Variants in CPLANE1 observed in about 807,000 individuals in gnomAD.
CPLANE1 encodes the protein ciliogenesis and planar polarity effector 1.
Under a neutral mutation model 362.5 loss-of-function variants are expected in CPLANE1, and 263 were observed. The observed-to-expected ratio is 0.73, with a 90% confidence interval of 0.66 to 0.80. CPLANE1 has a LOEUF of 0.80. Among genes scored for constraint, CPLANE1 ranks in the 30% least tolerant of loss-of-function variants. The pLI is 0.00. For missense variants in CPLANE1, 3,461 were observed against 3,793.4 expected (o/e 0.91, Z 2.30); for synonymous variants, 1,212 against 1,302.6 (o/e 0.93, Z 1.50).
chr5:37,187,013 ATCGCGCCACTGCACTC>A (rs1367358761), intron 23 of CPLANE1, among the ~76,000 whole-genome samples: 3 of 142,256 alleles, frequency 2.1e-5, no homozygotes, highest in Non-Finnish European at 4.5e-5. Context: ...GTGAGCCGAG[ATCGCGCCACTGCACTC>A]TAGCCTGGGT....
intron 46 of CPLANE1, among the ~76,000 whole-genome samples, chr5:37,129,649 T>A (rs1462266747): frequency 6.6e-6 from 1 of 152,074 alleles, no homozygotes; most frequent in Non-Finnish European, 1.5e-5. Flanking sequence ...GAAAAAATGC[T>A]CAACATCGCT....
chr5:37,123,606 T>C (rs1210217891), intron 47 of CPLANE1, among the ~76,000 whole-genome samples: 1 of 152,184 alleles, frequency 6.6e-6, no homozygotes, highest in African/African-American at 2.4e-5. Flanking sequence ...AGGGGCATGA[T>C]CTTCTCAACT....
At chr5:37,124,966 A>G in intron 47 of CPLANE1, 1 of 1,165,298 alleles carries the variant, frequency 8.6e-7, no homozygotes, top group Non-Finnish European at 1.1e-6. Context: ...TTGGTCACCC[A>G]ATCACTCAAC....
chr5:37,139,921 T>C (rs1232624874), intron 44 of CPLANE1: 1 of 985,418 alleles, frequency 1.0e-6, no homozygotes, highest in Non-Finnish European at 1.2e-6. Context: ...CCTTCTTTGC[T>C]TAGTACACAG....
intron 26 of CPLANE1, among the ~76,000 whole-genome samples, chr5:37,182,320 C>T (rs1782877672): frequency 6.6e-6 from 1 of 152,112 alleles, no homozygotes; most frequent in Admixed American, 6.5e-5. Flanking sequence ...CCCCCATCTG[C>T]CTTTCTGTGT....
At chr5:37,140,962 A>G (rs1242843735) in intron 44 of CPLANE1, 1 of 985,578 alleles carries the variant, frequency 1.0e-6, no homozygotes, top group Non-Finnish European at 1.2e-6. Flanking sequence ...AAAAGACTGG[A>G]GTCTAGACTT....
chr5:37,091,299 C>G, the CPLANE1 span, among the ~76,000 whole-genome samples: 2 of 152,180 alleles, frequency 1.3e-5, no homozygotes, highest in Non-Finnish European at 2.9e-5. Context: ...AGAGAGTCCA[C>G]TTGGTATATC....
intron 34 of CPLANE1, among the ~76,000 whole-genome samples, chr5:37,167,905 T>C (rs1157875426): frequency 6.6e-6 from 1 of 152,154 alleles, no homozygotes; most frequent in South Asian, 2.1e-4. Flanking sequence ...AGACCAGCAA[T>C]ATGCTGAAAA....
intron 6 of CPLANE1, among the ~76,000 whole-genome samples, chr5:37,240,524 GAGA>G (rs368790688): frequency 8.5e-5 from 13 of 152,142 alleles, no homozygotes; most frequent in African/African-American, 2.9e-4. Context: ...GAGCAAGGGA[GAGA>G]AGGAGATTCC....
At chr5:37,103,459 T>C (rs571940340), downstream of CPLANE1, among the ~76,000 whole-genome samples, 4 of 152,338 alleles carry the variant, frequency 2.6e-5, no homozygotes, top group African/African-American at 9.6e-5. Flanking sequence ...TGCTTCATAG[T>C]GTCACTGGTC....
At chr5:37,186,969 G>C (rs1252110402) in intron 23 of CPLANE1, among the ~76,000 whole-genome samples, 2 of 149,956 alleles carry the variant, frequency 1.3e-5, no homozygotes, top group Non-Finnish European at 3.0e-5. Flanking sequence ...GCTGAGGCAG[G>C]AGAATGGCGT....
chr5:37,235,604 G>A (rs756854135), intron 8 of CPLANE1, among the ~76,000 whole-genome samples: 2 of 115,390 alleles, frequency 1.7e-5, no homozygotes, highest in Admixed American at 1.2e-4. Context: ...ATGGAGTCTC[G>A]TTCTGTCACC....
chr5:37,106,187 A>G (rs1429679907), downstream of CPLANE1: 1 of 152,224 alleles, frequency 6.6e-6, no homozygotes, highest in Non-Finnish European at 1.5e-5. Flanking sequence ...TAGCAATCCC[A>G]TAGCTGGGTA....
At chr5:37,229,761 T>A (rs1324604908) in intron 9 of CPLANE1, among the ~76,000 whole-genome samples, 4 of 152,178 alleles carry the variant, frequency 2.6e-5, no homozygotes, top group African/African-American at 9.7e-5. Context: ...GATTTATAAT[T>A]ATGTATTACC....
In CPLANE1 at chr5:37,175,901, C is replaced by A; in HGVS notation, c.5978+8G>T. ...TTTTTAAATGGTATAGTAGGCAAAA[C>A]TTCTTACCTAGAAATTTCTGAACTC... On this transcript the variant is annotated splice_region_variant and intron_variant, in intron 31 of 52. Coordinates refer to ENST00000651892, the MANE Select transcript of CPLANE1 (RefSeq NM_001384732.1). 6.2e-7 allele frequency: 1 copy of A among 1,602,194 alleles called. No homozygotes were observed. The highest frequency in any genetic ancestry group is 1.1e-5 in the South Asian group (1 of 90,550).
At chr5:37,118,417 A>AG (rs1205769329) in intron 50 of CPLANE1, among the ~76,000 whole-genome samples, 1 of 150,898 alleles carries the variant, frequency 6.6e-6, no homozygotes, top group Admixed American at 6.6e-5. Flanking sequence ...AAAAAAAAAA[A>AG]GGCCAAGAGC....
At chr5:37,219,548 T>A (rs1328017616) in intron 15 of CPLANE1, among the ~76,000 whole-genome samples, 1 of 151,072 alleles carries the variant, frequency 6.6e-6, no homozygotes, top group Non-Finnish European at 1.5e-5. Context: ...AAAAAAAAAA[T>A]TAGCCAGGCG....
At chr5:37,167,277 A>G (rs1778510851) in intron 34 of CPLANE1, 64 bp from the exon 35 acceptor site, 1 of 1,270,294 alleles carries the variant, frequency 7.9e-7, no homozygotes, top group African/African-American at 1.5e-5. Context: ...ATATTTCAAC[A>G]AAAGACTGAG....
chr5:37,181,617 C>A (rs1395778360), intron 26 of CPLANE1, among the ~76,000 whole-genome samples: 2 of 152,082 alleles, frequency 1.3e-5, no homozygotes, highest in African/African-American at 4.8e-5. Flanking sequence ...GAGTTTGAGA[C>A]CAGCTTGGGT....
Sources: allele counts gnomAD v4.1 joint callset (sites outside exome capture counted in the v4.1 genomes callset), GRCh38; gene constraint gnomAD v4.1.1; transcripts MANE v1.5; gene names NCBI Gene and HGNC (gene_info 2026-07-23, HGNC 2026-07-21).